Variants in DTNA observed in about 807,000 individuals in gnomAD.
DTNA encodes the protein dystrobrevin alpha.
Under a neutral mutation model 100.7 loss-of-function variants are expected in DTNA, and 43 were observed. That is an observed-to-expected ratio of 0.43 (90% CI 0.33 to 0.55). The LOEUF (loss-of-function observed/expected upper bound fraction) is 0.55, where lower values mean the gene tolerates loss of function less well. DTNA is among the 20% of genes least tolerant of loss of function. The probability of loss-of-function intolerance (pLI) is 0.04; values close to 1 mark genes in which losing one functional copy is unlikely to be tolerated. For synonymous variants in DTNA, 349 were observed against 347.9 expected, an observed-to-expected ratio of 1.00 and a Z score of -0.04; for missense variants, 798 against 953.9, an observed-to-expected ratio of 0.84 and a Z score of 2.15.
chr18:34,522,403 G>T (rs1216987993), intron 1 of DTNA, among the ~76,000 whole-genome samples: 1 of 152,074 alleles, frequency 6.6e-6, no homozygotes, highest in East Asian at 1.9e-4. Flanking sequence ...TTATAGAACC[G>T]TATGAGATAG....
rs898378292 is a variant in DTNA, at chr18:34,888,551, A to G, written c.*817A>G. ...ATATTTTTTTTTCCAAATAGATATC[A>G]TATTCAAAAAAGGCAGCATTCAAAT... is the stretch of plus-strand genomic sequence containing the variant. On this transcript the variant is annotated 3_prime_UTR_variant, in exon 23 of 23. Coordinates refer to ENST00000444659, the MANE Select transcript of DTNA (RefSeq NM_001386795.1). 1 of 985,650 alleles carries G rather than the reference A, an allele frequency of 1.0e-6. No individual in the cohort carries two copies. Among genetic ancestry groups the G allele is most frequent in the Non-Finnish European group, 1.2e-6 (1 of 829,732 alleles). The allele number at this position is 985,650 out of a possible 1,614,324, so 61.1% of individuals were successfully genotyped here. A position where few individuals can be genotyped will look rare whatever the true frequency, so the allele number is the denominator to read the frequency against.
chr18:34,608,893 T>C (rs1391349496), intron 1 of DTNA, among the ~76,000 whole-genome samples: 2 of 152,220 alleles, frequency 1.3e-5, no homozygotes, highest in East Asian at 3.9e-4. Context: ...AGTGCTATTG[T>C]ATATTGGATC....
chr18:34,519,822 A>G (rs2041993005), intron 1 of DTNA, among the ~76,000 whole-genome samples: 1 of 152,192 alleles, frequency 6.6e-6, no homozygotes, highest in South Asian at 2.1e-4. Flanking sequence ...TCATCCATTT[A>G]AAGTTAAGAA....
chr18:34,679,403 G>A (rs1218884008), intron 1 of DTNA: 5 of 152,220 alleles, frequency 3.3e-5, no homozygotes, highest in Admixed American at 3.3e-4. Context: ...CTGGCTTCCT[G>A]TTTGTGTAAT....
chr18:34,493,472 AG>A (rs2038756042), exon 1 of DTNA: 1 of 152,084 alleles, frequency 6.6e-6, no homozygotes, highest in Admixed American at 6.6e-5. Flanking sequence ...ACACCTTCTA[AG>A]AGTTTGGCGA....
intron 1 of DTNA, among the ~76,000 whole-genome samples, chr18:34,580,184 T>C (rs2146633176): frequency 6.6e-6 from 1 of 152,274 alleles, no homozygotes; most frequent in Non-Finnish European, 1.5e-5. Flanking sequence ...ATAATGCCCA[T>C]ATATCTATTG....
intron 1 of DTNA, among the ~76,000 whole-genome samples, chr18:34,527,446 T>C (rs554160693): frequency 3.3e-5 from 5 of 151,996 alleles, no homozygotes; most frequent in Admixed American, 6.6e-5. Context: ...ATTCCAGATA[T>C]AGACAGAAAC....
intron 1 of DTNA, among the ~76,000 whole-genome samples, chr18:34,652,928 T>G (rs11662562): frequency 0.09 from 13,751 of 152,222 alleles, 819 homozygotes; most frequent in Non-Finnish European, 0.13. Flanking sequence ...GGTGGATACA[T>G]ATTCTGAACC....
Position 34,838,815 on chromosome 18 carries a change from A to G in DTNA, c.1324A>G (p.Met442Val), listed in dbSNP as rs763206573. 1.1e-5 allele frequency: 18 copies of G among 1,613,674 alleles called. No homozygotes were observed. Among genetic ancestry groups the G allele is most frequent in the Non-Finnish European group, 1.3e-5 (15 of 1,179,718 alleles). Reference sequence around the variant, plus strand: ...TGTTCTCATCGGGTTGTATGTCAACATGCTCCGGAACAACCCCTCATGGTT... The same window carrying G: ...TGTTCTCATCGGGTTGTATGTCAACGTGCTCCGGAACAACCCCTCATGGTT... ...EHVLIGLYVN[M>V]LRNNPSCMLE... The change falls in exon 13 of 23, where the codon ATG becomes GTG. Residue 442 changes from methionine to valine, a missense_variant. This residue lies in a region of DTNA where 159 missense variants were observed against 201.2 expected (regional missense o/e 0.79). Transcript: ENST00000444659.
chr18:34,839,888 C>G (rs1437481159), intron 13 of DTNA, among the ~76,000 whole-genome samples: 1 of 152,140 alleles, frequency 6.6e-6, no homozygotes, highest in African/African-American at 2.4e-5. Flanking sequence ...TTGCACCAAC[C>G]TAGTATTTCA....
chr18:34,763,273 C>G (rs2093293971), intron 2 of DTNA, among the ~76,000 whole-genome samples: 1 of 152,188 alleles, frequency 6.6e-6, no homozygotes, highest in Non-Finnish European at 1.5e-5. Context: ...TTCTAAAAGT[C>G]TCTCTGTCTC....
intron 16 of DTNA, among the ~76,000 whole-genome samples, chr18:34,863,311 G>A (rs888507301): frequency 6.6e-6 from 1 of 151,994 alleles, no homozygotes; most frequent in Non-Finnish European, 1.5e-5. Context: ...TTTAATAAAA[G>A]GTCTGTAAAA....
intron 1 of DTNA, among the ~76,000 whole-genome samples, chr18:34,601,565 T>C (rs1410444290): frequency 6.6e-5 from 10 of 152,168 alleles, no homozygotes. Flanking sequence ...TATTGGATAA[T>C]AGGCAGCCTA....
At chr18:34,511,844 A>G (rs2041124311) in intron 1 of DTNA, among the ~76,000 whole-genome samples, 1 of 152,066 alleles carries the variant, frequency 6.6e-6, no homozygotes, top group Non-Finnish European at 1.5e-5. Flanking sequence ...ATATTAGGTG[A>G]GTATGCGTGT....
intron 1 of DTNA, among the ~76,000 whole-genome samples, chr18:34,639,776 C>A (rs2059065680): frequency 1.3e-5 from 2 of 152,100 alleles, no homozygotes; most frequent in African/African-American, 4.8e-5. Context: ...TTGTTTATTT[C>A]TTTATTTTCC....
intron 4 of DTNA, among the ~76,000 whole-genome samples, chr18:34,802,317 A>T: frequency 6.6e-6 from 1 of 152,198 alleles, no homozygotes; most frequent in East Asian, 1.9e-4. Context: ...CCAGAGACAT[A>T]GTCATTTTGG....
chr18:34,867,178 CTG>C, intron 17 of DTNA: 1 of 1,231,294 alleles, frequency 8.1e-7, no homozygotes, highest in South Asian at 4.1e-5. Context: ...TTCATTTCTT[CTG>C]TATGCTCTTT....
chr18:34,620,803 G>A (rs977131391), intron 1 of DTNA, among the ~76,000 whole-genome samples: 4 of 152,054 alleles, frequency 2.6e-5, no homozygotes, highest in African/African-American at 9.7e-5. Context: ...CTCCCACCAG[G>A]CCTCACCTCC....
At position 34,887,902 on chromosome 18, in the gene DTNA, C is replaced by T; in HGVS notation, c.*168C>T. 1 of 986,874 alleles carries T rather than the reference C, an allele frequency of 1.0e-6. No individual in the cohort carries two copies. Among genetic ancestry groups the T allele is most frequent in the African/African-American group, 1.7e-5 (1 of 57,376 alleles). 61.1% of individuals were successfully genotyped at this position (986,874 alleles called of 1,614,324 possible). Reference sequence around the variant, plus strand: ...AGAGGAACCACCACACCCAGCAGCTCCTGACAGACCCCCACCCCTAAAGAT... The same window carrying T: ...AGAGGAACCACCACACCCAGCAGCTTCTGACAGACCCCCACCCCTAAAGAT... On this transcript the variant is annotated 3_prime_UTR_variant, in exon 23 of 23. Coordinates refer to ENST00000444659, the MANE Select transcript of DTNA (RefSeq NM_001386795.1).
Sources: gnomAD v4.1 joint callset for allele counts (sites outside exome capture counted in the v4.1 genomes callset) on GRCh38, gnomAD v4.1.1 for gene constraint, gnomAD v4.1.1 regional missense constraint, MANE v1.5 for transcripts, NCBI Gene and HGNC (gene_info 2026-07-23, HGNC 2026-07-21) for gene names.